Variants in KIRREL3 observed in about 807,000 individuals in gnomAD.
KIRREL3 encodes kin of IRRE-like protein 3.
A neutral mutation model predicts 89.7 loss-of-function variants in KIRREL3; 36 were observed. The ratio of observed to expected loss-of-function variants is 0.40; its 90% confidence interval spans 0.31 to 0.53. KIRREL3 has a LOEUF of 0.53. Ranked by LOEUF, KIRREL3 falls within the 20% of genes least tolerant of loss-of-function variation. The pLI, the probability that KIRREL3 is intolerant of heterozygous loss-of-function variation, is 0.49. For missense variants in KIRREL3, 864 were observed against 1,056.6 expected (o/e 0.82, Z 2.53); for synonymous variants, 445 against 441.4 (o/e 1.01, Z -0.10).
chr11:126,976,780 T>A lies in KIRREL3; in HGVS notation c.55+23675A>T, dbSNP rs1591412097. ...CATACATACTCTTGATATGTCTACATCATAGAAGGGTAAAGGAGAGGGGAG... is the reference window on the plus strand; with the variant it reads ...CATACATACTCTTGATATGTCTACAACATAGAAGGGTAAAGGAGAGGGGAG... On this transcript the variant is annotated intron_variant, in intron 1 of 16. Coordinates refer to ENST00000525144, the MANE Select transcript of KIRREL3 (RefSeq NM_032531.4). The surrounding 1 kb of genome is among the most constrained non-coding windows in gnomAD (Gnocchi z 4.2). 6.6e-6 allele frequency among the ~76,000 whole-genome samples: 1 copy of A among 152,168 alleles called. No homozygotes were observed. Among genetic ancestry groups the A allele is most frequent in the Non-Finnish European group, 1.5e-5 (1 of 68,036 alleles).
At chr11:126,857,757 G>A (rs368323415) in intron 1 of KIRREL3, among the ~76,000 whole-genome samples, 6 of 138,270 alleles carry the variant, frequency 4.3e-5, no homozygotes, top group South Asian at 2.7e-4. Context: ...CAGCCAATGC[G>A]TGTGGGAGAA....
At chr11:126,714,937 A>G (rs1947901230) in intron 1 of KIRREL3, among the ~76,000 whole-genome samples, 1 of 152,026 alleles carries the variant, frequency 6.6e-6, no homozygotes, top group Admixed American at 6.6e-5. Context: ...ACTTACATGA[A>G]CTTTCCTCCT....
intron 1 of KIRREL3, among the ~76,000 whole-genome samples, chr11:126,602,215 T>C (rs1404343248): frequency 1.3e-5 from 2 of 152,156 alleles, no homozygotes; most frequent in Non-Finnish European, 2.9e-5. Context: ...AGGGAGCTCA[T>C]TGTGTGCTCA....
At chr11:126,939,904 T>G (rs11606950) in intron 1 of KIRREL3, among the ~76,000 whole-genome samples, 120,631 of 152,076 alleles carry the variant, frequency 0.79, 48,001 homozygotes, top group South Asian at 0.83. Context: ...GAGCCACAGG[T>G]TCATACAGGG....
At position 126,872,284 on chromosome 11, in the gene KIRREL3, G is replaced by T. The variant is rs187673700; in HGVS notation, c.55+128171C>A. 1.9e-3 allele frequency among the ~76,000 whole-genome samples: 294 copies of T among 152,276 alleles called. 1 individual carries two copies. The highest frequency in any genetic ancestry group is 0.017 in the Middle Eastern group (5 of 294). On this transcript the variant is annotated intron_variant, in intron 1 of 16. Transcript: ENST00000525144. This position sits in a 1 kb window ranked among gnomAD's most constrained non-coding sequence, Gnocchi z 4.2. ...CCTTGTATGGTTCCAGAAACTCCCT[G>T]CCCCTTTTCTAGAAAGATCTAAGTA...
intron 11 of KIRREL3, among the ~76,000 whole-genome samples, chr11:126,438,905 T>A (rs765365726): frequency 6.6e-5 from 10 of 152,170 alleles, no homozygotes; most frequent in Non-Finnish European, 1.2e-4. Flanking sequence ...CTGCTTCACA[T>A]CTGGGCCAGC....
chr11:126,454,830 C>G lies in KIRREL3; in HGVS notation c.848+1519G>C, dbSNP rs1956285632. 6.6e-6 allele frequency among the ~76,000 whole-genome samples: 1 copy of G among 152,172 alleles called. No individual in the cohort carries two copies. Among genetic ancestry groups the G allele is most frequent in the South Asian group, 2.1e-4 (1 of 4,832 alleles). ...GGAGGTCATCTGTTCTTTCTTCTGA[C>G]TCTAGTCAAGCAAATGGTTAAACTG... On this transcript the variant is annotated intron_variant, in intron 7 of 16. Transcript: ENST00000525144. This position sits in a 1 kb window ranked among gnomAD's most constrained non-coding sequence, Gnocchi z 5.8.
In KIRREL3 at chr11:126,791,288, G is replaced by A. The variant is rs915558014; in HGVS notation, c.55+209167C>T. On this transcript the variant is annotated intron_variant, in intron 1 of 16. Coordinates refer to ENST00000525144, the MANE Select transcript of KIRREL3 (RefSeq NM_032531.4). This position sits in a 1 kb window ranked among gnomAD's most constrained non-coding sequence, Gnocchi z 4.8. ...ACCTGATGAGATGAGAAATAGTTGA[G>A]GTATTAAATCGTAAAGGGAGGGCAG... Among the ~76,000 whole-genome samples the A allele has an allele frequency of 6.6e-6, 1 of 152,110 alleles. No individual in the cohort carries two copies. Among genetic ancestry groups the A allele is most frequent in the African/African-American group, 2.4e-5 (1 of 41,430 alleles).
chr11:126,828,447 T>C (rs1024995342), intron 1 of KIRREL3, among the ~76,000 whole-genome samples: 1 of 152,334 alleles, frequency 6.6e-6, no homozygotes, highest in South Asian at 2.1e-4. Flanking sequence ...AATAAGGGGA[T>C]CTGGACTTTT....
Position 126,440,476 on chromosome 11 carries a change from G to T in KIRREL3, c.1326C>A (p.Ile442=). The T allele has an allele frequency of 2.5e-6, 4 of 1,593,684 alleles. No homozygotes were observed. The highest frequency in any genetic ancestry group is 3.4e-6 in the Non-Finnish European group (4 of 1,170,846). ...HGEKGQIKCF[I]RSTPPPDRIA... ...TGCGGTCCGGCGGCGGCGTGCTCCG[G>T]ATGAAGCACTTGATCTGGCCCTTCT... Residue 442 remains isoleucine, a synonymous_variant, in exon 11 of 17, where the codon ATC becomes ATA. Coordinates refer to ENST00000525144, the MANE Select transcript of KIRREL3 (RefSeq NM_032531.4).
chr11:126,769,735 G>A lies in KIRREL3; in HGVS notation c.56-206823C>T, dbSNP rs774710480. Among the ~76,000 whole-genome samples the A allele has an allele frequency of 4.6e-5, 7 of 152,168 alleles. No individual in the cohort carries two copies. The highest frequency in any genetic ancestry group is 8.8e-5 in the Non-Finnish European group (6 of 68,030). On this transcript the variant is annotated intron_variant, in intron 1 of 16. Transcript: ENST00000525144. This position sits in a 1 kb window ranked among gnomAD's most constrained non-coding sequence, Gnocchi z 4.3. ...AGCTCACATCTTATAGCTTCCAGGG[G>A]CAAGGTGGAGGGTGCAGTGGTTTCC... is the stretch of plus-strand genomic sequence containing the variant.
chr11:126,975,094 G>A (rs566934306), intron 1 of KIRREL3, among the ~76,000 whole-genome samples: 3 of 152,140 alleles, frequency 2.0e-5, no homozygotes, highest in East Asian at 3.9e-4. Flanking sequence ...ACAGGTGTGA[G>A]CCACTGCGCC....
chr11:126,618,848 T>C (rs866524247), intron 1 of KIRREL3, among the ~76,000 whole-genome samples: 7 of 152,188 alleles, frequency 4.6e-5, no homozygotes, highest in African/African-American at 1.4e-4. Flanking sequence ...CACCCTCCTC[T>C]ACTAATGAAA....
At chr11:126,938,715 G>C (rs116705904) in intron 1 of KIRREL3, among the ~76,000 whole-genome samples, 1 of 152,152 alleles carries the variant, frequency 6.6e-6, no homozygotes, top group Non-Finnish European at 1.5e-5. Context: ...CATAAAGAAA[G>C]TTTCTAGACA....
At chr11:126,539,991 T>C (rs1938226379) in intron 2 of KIRREL3, among the ~76,000 whole-genome samples, 1 of 152,202 alleles carries the variant, frequency 6.6e-6, no homozygotes, top group East Asian at 1.9e-4. Context: ...ATCTAAATCT[T>C]GTTGAGGTTT....
chr11:126,596,046 G>A lies in KIRREL3; in HGVS notation c.56-33134C>T, dbSNP rs116378160. 6.1e-3 allele frequency among the ~76,000 whole-genome samples: 934 copies of A among 152,330 alleles called. 10 individuals are homozygous for A. The highest frequency in any genetic ancestry group is 0.021 in the African/African-American group (886 of 41,578). On this transcript the variant is annotated intron_variant, in intron 1 of 16. Transcript: ENST00000525144. ...GGAGCCCTTGGCCCCTAGGAAGGCA[G>A]GAAAGTCTCCCAGGATAAATCTGTC...
At chr11:126,691,394 G>C (rs773264317) in intron 1 of KIRREL3, among the ~76,000 whole-genome samples, 2 of 152,166 alleles carry the variant, frequency 1.3e-5, no homozygotes, top group Non-Finnish European at 2.9e-5. Flanking sequence ...AATGTTCTCT[G>C]ACAGGAGACT....
intron 2 of KIRREL3, among the ~76,000 whole-genome samples, chr11:126,540,210 C>A (rs1356868670): frequency 6.6e-6 from 1 of 152,196 alleles, no homozygotes; most frequent in Admixed American, 6.5e-5. Context: ...CACCTGCAGC[C>A]ATTGGTAGCT....
intron 6 of KIRREL3, among the ~76,000 whole-genome samples, 187 bp from the exon 7 acceptor site, chr11:126,456,641 G>T (rs1956354156): frequency 6.6e-6 from 1 of 152,202 alleles, no homozygotes. Context: ...CTGGAGGTGG[G>T]AACAGGGCCT....
Sources: gnomAD v4.1 joint callset for allele counts (sites outside exome capture counted in the v4.1 genomes callset) on GRCh38, gnomAD v4.1.1 for gene constraint, Gnocchi (gnomAD v3.1) non-coding constraint, MANE v1.5 for transcripts, NCBI Gene and HGNC (gene_info 2026-07-23, HGNC 2026-07-21) for gene names.